The following RGS17 variants were observed in gnomAD, a reference collection of about 807,000 sequenced individuals.
RGS17 encodes regulator of G-protein signaling 17.
A neutral mutation model predicts 25.5 loss-of-function variants in RGS17; 12 were observed. That is an observed-to-expected ratio of 0.47 (90% confidence interval 0.30 to 0.76). The LOEUF is 0.76. Among genes scored for constraint, RGS17 ranks in the 30% least tolerant of loss-of-function variants. RGS17 has a pLI of 0.07. For missense variants in RGS17, 196 were observed against 242.2 expected (o/e 0.81, Z 1.27); for synonymous variants, 71 against 76.9 (o/e 0.92, Z 0.40).
At chr6:153,045,748 C>A (rs1425245541) in intron 1 of RGS17, among the ~76,000 whole-genome samples, 1 of 152,114 alleles carries the variant, frequency 6.6e-6, no homozygotes, top group African/African-American at 2.4e-5. Context: ...ACAGAATCAC[C>A]TAAAATTAGT....
chr6:153,048,651 C>T (rs1776416248), intron 1 of RGS17, among the ~76,000 whole-genome samples: 1 of 152,188 alleles, frequency 6.6e-6, no homozygotes, highest in Admixed American at 6.5e-5. Context: ...ATGCTCGGTA[C>T]AATTACGTGT....
intron 1 of RGS17, among the ~76,000 whole-genome samples, chr6:153,064,948 A>T (rs1776687227): frequency 6.6e-6 from 1 of 152,180 alleles, no homozygotes; most frequent in South Asian, 2.1e-4. Flanking sequence ...GTAAATCCTT[A>T]CTTATCAATA....
chr6:153,118,070 T>G (rs1196688022), intron 1 of RGS17, among the ~76,000 whole-genome samples: 4 of 152,170 alleles, frequency 2.6e-5, no homozygotes, highest in Admixed American at 1.3e-4. Flanking sequence ...GACAGCTTGT[T>G]AGGCAGAGGG....
intron 1 of RGS17, among the ~76,000 whole-genome samples, chr6:153,066,921 TC>T (rs1312031201): frequency 6.6e-6 from 1 of 151,958 alleles, no homozygotes; most frequent in Non-Finnish European, 1.5e-5. Context: ...GCACCTGTAG[TC>T]CCAGCTACTC....
rs1364750487 is a variant in RGS17 at position 153,011,717 on chromosome 6, A to G, written c.490T>C (p.Leu164=). ...TCATACATGTGAGGATTGGGATCCA[A>G]CAGATTTCTATTGATCACCTCTCTA... ...RVREVINRNL[L]DPNPHMYEDA... Residue 164 remains leucine, a synonymous_variant, in exon 5 of 5, where the codon TTG becomes CTG. Transcript: ENST00000206262. 6.2e-7 allele frequency: 1 copy of G among 1,613,248 alleles called. No individual in the cohort carries two copies. Among genetic ancestry groups the G allele is most frequent in the Middle Eastern group, 1.7e-4 (1 of 6,056 alleles).
chr6:153,040,364 T>C (rs767779760), intron 2 of RGS17, among the ~76,000 whole-genome samples: 6 of 152,190 alleles, frequency 3.9e-5, no homozygotes, highest in Non-Finnish European at 7.3e-5. Context: ...CAGGAATCTA[T>C]TTAAAAATGA....
At chr6:153,082,563 T>A (rs1777000357) in intron 1 of RGS17, among the ~76,000 whole-genome samples, 1 of 152,196 alleles carries the variant, frequency 6.6e-6, no homozygotes, top group South Asian at 2.1e-4. Context: ...ATCTGCCATT[T>A]TCCTTCTCAT....
chr6:153,094,880 T>C (rs1475845115), intron 1 of RGS17, among the ~76,000 whole-genome samples: 1 of 145,270 alleles, frequency 6.9e-6, no homozygotes, highest in Non-Finnish European at 1.5e-5. Flanking sequence ...ATTAGAATAT[T>C]TAATTTTTAA....
intron 1 of RGS17, among the ~76,000 whole-genome samples, chr6:153,078,169 G>A (rs952186134): frequency 6.6e-6 from 1 of 152,106 alleles, no homozygotes; most frequent in Admixed American, 6.6e-5. Context: ...GCGCCCAGCT[G>A]ACTTACACTA....
In RGS17 at chr6:153,011,543, G is replaced by A; in HGVS notation, c.*31C>T. 6.8e-7 allele frequency: 1 copy of A among 1,462,234 alleles called. No individual in the cohort carries two copies. Among genetic ancestry groups the A allele is most frequent in the Non-Finnish European group, 9.5e-7 (1 of 1,055,074 alleles). The allele number at this position is 1,462,234 out of a possible 1,614,324, so 90.6% of individuals were successfully genotyped here. The stretch of plus-strand genomic sequence containing the variant: ...TTAACTACTTTTATTTCCCATCTCA[G>A]CCCTCCAAAATGATTGTTTTTAAAT... On this transcript the variant is annotated 3_prime_UTR_variant, in exon 5 of 5. Transcript: ENST00000206262.
chr6:153,008,032 G>A lies in RGS17; in HGVS notation c.*3542C>T, dbSNP rs905288282. On this transcript the variant is annotated 3_prime_UTR_variant, in exon 5 of 5. Coordinates refer to ENST00000206262, the MANE Select transcript of RGS17 (RefSeq NM_012419.5). ...ATATAATTTGTCACAATTACAATAT[G>A]ATTTTTTAAAGTATAAATAAGTTAA... 2.0e-5 allele frequency: 3 copies of A among 152,076 alleles called. No homozygotes were observed. Among genetic ancestry groups the A allele is most frequent in the Non-Finnish European group, 2.9e-5 (2 of 68,018 alleles). The allele number at this position is 152,076 out of a possible 1,614,324, so 9.4% of individuals were successfully genotyped here. A position where few individuals can be genotyped will look rare whatever the true frequency, so the allele number is the denominator to read the frequency against.
At chr6:153,085,336 C>T (rs1424317896) in intron 1 of RGS17, among the ~76,000 whole-genome samples, 1 of 152,174 alleles carries the variant, frequency 6.6e-6, no homozygotes, top group Non-Finnish European at 1.5e-5. Flanking sequence ...CCTCCTCACG[C>T]AGAGAAGACC....
intron 1 of RGS17, among the ~76,000 whole-genome samples, chr6:153,110,358 T>G (rs73785758): frequency 0.021 from 3,135 of 151,976 alleles, 104 homozygotes; most frequent in African/African-American, 0.07. Context: ...ACCTCTGCTT[T>G]TACATTTGTA....
intron 1 of RGS17, among the ~76,000 whole-genome samples, chr6:153,123,434 G>A (rs1047058834): frequency 6.6e-6 from 1 of 152,108 alleles, no homozygotes; most frequent in African/African-American, 2.4e-5. Flanking sequence ...TCCATACTTA[G>A]ATATATTAAC....
intron 4 of RGS17, among the ~76,000 whole-genome samples, chr6:153,021,249 C>A (rs1194096716): frequency 6.6e-6 from 1 of 152,188 alleles, no homozygotes; most frequent in Non-Finnish European, 1.5e-5. Context: ...TAGTCCAGTG[C>A]TCTAATTCCG....
At chr6:153,110,425 TACACACACAC>T (rs149969105) in intron 1 of RGS17, among the ~76,000 whole-genome samples, 1 of 144,840 alleles carries the variant, frequency 6.9e-6, no homozygotes, top group Non-Finnish European at 1.5e-5. Flanking sequence ...ACTGCCAACA[TACACACACAC>T]ACACACACAC....
intron 1 of RGS17, among the ~76,000 whole-genome samples, chr6:153,079,886 T>C (rs941967501): frequency 2.0e-5 from 3 of 152,232 alleles, no homozygotes; most frequent in Admixed American, 2.0e-4. Flanking sequence ...ATATTTGAGA[T>C]AATTAACCAG....
chr6:153,126,188 T>G (rs7749389), intron 1 of RGS17, among the ~76,000 whole-genome samples: 1 of 152,218 alleles, frequency 6.6e-6, no homozygotes, highest in African/African-American at 2.4e-5. Context: ...ATGATCTCTA[T>G]GTACTCCCAT....
At chr6:153,054,556 C>G (rs191094340) in intron 1 of RGS17, among the ~76,000 whole-genome samples, 138 of 151,956 alleles carry the variant, frequency 9.1e-4, no homozygotes, top group Non-Finnish European at 1.8e-3. Flanking sequence ...GAGGCTGAGG[C>G]AGGAGAACTG....
Sources: gnomAD v4.1 joint callset for allele counts (sites outside exome capture counted in the v4.1 genomes callset) on GRCh38, gnomAD v4.1.1 for gene constraint, MANE v1.5 for transcripts, NCBI Gene and HGNC (gene_info 2026-07-23, HGNC 2026-07-21) for gene names.